DPP10: variants seen among roughly 807,000 people sequenced by gnomAD.
DPP10 encodes dipeptidyl peptidase like 10, also known as inactive dipeptidyl peptidase 10.
In DPP10, 33 loss-of-function variants were observed where a neutral mutation model predicts 120.9. The ratio of observed to expected loss-of-function variants is 0.27; its 90% confidence interval spans 0.21 to 0.37. The LOEUF (loss-of-function observed/expected upper bound fraction) is 0.37. Among genes scored for constraint, DPP10 ranks in the 10% least tolerant of loss-of-function variants. The pLI, the probability that DPP10 is intolerant of heterozygous loss-of-function variation, is 1.00. For synonymous variants in DPP10, 337 were observed against 326.1 expected (o/e 1.03, Z -0.36); for missense variants, 816 against 942.8 (o/e 0.87, Z 1.76).
chr2:114,885,567 G>A (rs1558843376), intron 1 of DPP10, among the ~76,000 whole-genome samples: 1 of 152,130 alleles, frequency 6.6e-6, no homozygotes, highest in East Asian at 1.9e-4. Context: ...ATTAAAATAT[G>A]AGAGATTTAT....
At chr2:115,322,501 C>G (rs1161894802) in intron 2 of DPP10, among the ~76,000 whole-genome samples, 2 of 152,118 alleles carry the variant, frequency 1.3e-5, no homozygotes, top group Non-Finnish European at 1.5e-5. Context: ...CTTAGCCAGC[C>G]CATTTACAAC....
chr2:115,321,581 TGGCAAGTTGTTG>T (rs1373408648), intron 2 of DPP10, among the ~76,000 whole-genome samples: 2 of 150,676 alleles, frequency 1.3e-5, no homozygotes, highest in Admixed American at 1.3e-4. Flanking sequence ...TTGCCAAATT[TGGCAAGTTGTTG>T]GCCGTCATTT....
At chr2:115,421,233 G>T (rs2104681398) in intron 3 of DPP10, among the ~76,000 whole-genome samples, 1 of 152,048 alleles carries the variant, frequency 6.6e-6, no homozygotes, top group South Asian at 2.1e-4. Flanking sequence ...GTATGTCTAG[G>T]TCCAGAAATA....
At chr2:115,685,498 T>G (rs1212729329) in intron 5 of DPP10, among the ~76,000 whole-genome samples, 2 of 151,978 alleles carry the variant, frequency 1.3e-5, no homozygotes, top group Non-Finnish European at 2.9e-5. Context: ...GGGACAGAGA[T>G]TACATTTATT....
At chr2:115,382,444 C>T (rs2066467579) in intron 3 of DPP10, among the ~76,000 whole-genome samples, 2 of 152,218 alleles carry the variant, frequency 1.3e-5, no homozygotes, top group Admixed American at 6.5e-5. Flanking sequence ...ACCCACTGAC[C>T]TGCACCCACT....
At chr2:115,472,707 A>G (rs1558715554) in intron 3 of DPP10, among the ~76,000 whole-genome samples, 1 of 152,184 alleles carries the variant, frequency 6.6e-6, no homozygotes, top group African/African-American at 2.4e-5. Context: ...AGAATGTGCT[A>G]TTCATTTCTT....
At chr2:115,309,746 A>G (rs2061504569) in intron 2 of DPP10, among the ~76,000 whole-genome samples, 1 of 152,122 alleles carries the variant, frequency 6.6e-6, no homozygotes. Flanking sequence ...GGAAATGGAA[A>G]GACAGGATTT....
At chr2:115,753,754 T>A (rs1275124641) in intron 11 of DPP10, among the ~76,000 whole-genome samples, 1 of 152,154 alleles carries the variant, frequency 6.6e-6, no homozygotes, top group Non-Finnish European at 1.5e-5. Context: ...AAAAAATTGG[T>A]TCATGAACTA....
At chr2:114,734,737 A>G (rs61643864) in intron 1 of DPP10, among the ~76,000 whole-genome samples, 1,987 of 152,356 alleles carry the variant, frequency 0.013, 54 homozygotes, top group African/African-American at 0.046. Flanking sequence ...GTCTCTTAAA[A>G]TAGTCTGTCT....
At chr2:115,630,004 C>G (rs982901982) in intron 5 of DPP10, among the ~76,000 whole-genome samples, 1 of 152,070 alleles carries the variant, frequency 6.6e-6, no homozygotes, top group African/African-American at 2.4e-5. Flanking sequence ...GCTGTATGGC[C>G]ATTTTCATAA....
At chr2:115,611,135 A>G (rs2087248207) in intron 5 of DPP10, among the ~76,000 whole-genome samples, 1 of 152,196 alleles carries the variant, frequency 6.6e-6, no homozygotes, top group Non-Finnish European at 1.5e-5. Context: ...TTCATGCAGG[A>G]AATGAAAGAG....
chr2:115,644,652 C>T (rs540147522), intron 5 of DPP10, among the ~76,000 whole-genome samples: 3 of 150,664 alleles, frequency 2.0e-5, no homozygotes, highest in South Asian at 4.2e-4. Flanking sequence ...TGGTGGCGTG[C>T]ACCACCTGTA....
intron 5 of DPP10, among the ~76,000 whole-genome samples, chr2:115,539,113 C>T (rs2079037378): frequency 1.3e-5 from 2 of 151,676 alleles, no homozygotes; most frequent in South Asian, 4.2e-4. Context: ...GTTCTAAGGG[C>T]TTATTGGAAA....
chr2:115,658,357 C>T (rs957481234), intron 5 of DPP10, among the ~76,000 whole-genome samples: 1 of 151,708 alleles, frequency 6.6e-6, no homozygotes, highest in Non-Finnish European at 1.5e-5. Flanking sequence ...CCACCCCAAT[C>T]TCCCTTATTT....
At chr2:114,846,050 C>T (rs1688524147) in intron 1 of DPP10, among the ~76,000 whole-genome samples, 1 of 151,868 alleles carries the variant, frequency 6.6e-6, no homozygotes, top group Non-Finnish European at 1.5e-5. Flanking sequence ...AAACAAGAAA[C>T]AGGCTGTGCT....
At chr2:115,360,665 C>T (rs1216788929) in intron 3 of DPP10, among the ~76,000 whole-genome samples, 4 of 152,144 alleles carry the variant, frequency 2.6e-5, no homozygotes, top group Non-Finnish European at 5.9e-5. Flanking sequence ...TGGTGCTGTG[C>T]CCACATTTCT....
rs1252742273 is a variant in DPP10, at chr2:115,376,473, A to C, written c.271+32561A>C. Among the ~76,000 whole-genome samples, 7 of 151,302 alleles carry C rather than the reference A, an allele frequency of 4.6e-5. 1 individual carries two copies. The East Asian group carries it at 1.2e-3, about 25-fold the overall frequency. ...TTTCCTTTTGTGCTGCTCTTCCAAGATGGCATTCAGAATTTGAATTTCACC... is the reference window on the plus strand; with the variant it reads ...TTTCCTTTTGTGCTGCTCTTCCAAGCTGGCATTCAGAATTTGAATTTCACC... On this transcript the variant is annotated intron_variant, in intron 3 of 25. Transcript: ENST00000410059.
At chr2:115,573,195 A>T (rs2081438417) in intron 5 of DPP10, among the ~76,000 whole-genome samples, 1 of 152,108 alleles carries the variant, frequency 6.6e-6, no homozygotes, top group African/African-American at 2.4e-5. Context: ...CAGAGATGTA[A>T]AGGGGAGAAC....
chr2:114,920,586 G>T (rs754544559), intron 1 of DPP10, among the ~76,000 whole-genome samples: 1 of 152,356 alleles, frequency 6.6e-6, no homozygotes, highest in Admixed American at 6.5e-5. Context: ...AGATAAAAGA[G>T]TGAAAGTGTG....
Sources: gnomAD v4.1 joint callset for allele counts (sites outside exome capture counted in the v4.1 genomes callset) on GRCh38, gnomAD v4.1.1 for gene constraint, MANE v1.5 for transcripts, NCBI Gene and HGNC (gene_info 2026-07-23, HGNC 2026-07-21) for gene names.